The following SMAD1 variants were observed in gnomAD, a reference collection of about 807,000 sequenced individuals.
SMAD1 encodes SMAD family member 1.
In SMAD1, 6 loss-of-function variants were observed where a neutral mutation model predicts 41.6. The observed-to-expected ratio is 0.14, with a 90% confidence interval of 0.08 to 0.28. The LOEUF (loss-of-function observed/expected upper bound fraction) is 0.28. Ranked by LOEUF, SMAD1 falls within the 10% of genes least tolerant of loss-of-function variation. SMAD1 has a pLI of 1.00. For missense variants in SMAD1, 379 were observed against 582.6 expected, an observed-to-expected ratio of 0.65 and a Z score of 3.60; for synonymous variants, 206 against 203.2, an observed-to-expected ratio of 1.01 and a Z score of -0.12.
chr4:145,551,084 T>C (rs1403682720), intron 5 of SMAD1, among the ~76,000 whole-genome samples: 1 of 152,100 alleles, frequency 6.6e-6, no homozygotes, highest in Non-Finnish European at 1.5e-5. Flanking sequence ...CTAGCTAACT[T>C]TGTAAATGGA....
At chr4:145,502,312 A>G (rs563157294) in intron 1 of SMAD1, among the ~76,000 whole-genome samples, 1 of 152,320 alleles carries the variant, frequency 6.6e-6, no homozygotes, top group East Asian at 1.9e-4. Flanking sequence ...TGCCATTACA[A>G]GCATGAATTT....
intron 2 of SMAD1, among the ~76,000 whole-genome samples, chr4:145,533,144 A>G (rs1203090580): frequency 6.6e-6 from 1 of 152,200 alleles, no homozygotes; most frequent in Admixed American, 6.5e-5. Flanking sequence ...GGCTTAACCC[A>G]GCCTGACTAA....
intron 3 of SMAD1, among the ~76,000 whole-genome samples, chr4:145,541,983 G>A (rs1731971899): frequency 1.3e-5 from 2 of 152,352 alleles, no homozygotes; most frequent in South Asian, 4.1e-4. Flanking sequence ...AGATAGCTGT[G>A]ATAAACTGAT....
At position 145,520,723 on chromosome 4, in the gene SMAD1, C is replaced by T. The variant is rs148359753; in HGVS notation, c.400+5710C>T. Among the ~76,000 whole-genome samples the T allele has an allele frequency of 2.5e-4, 38 of 152,226 alleles. No individual in the cohort carries two copies. The East Asian group carries it at 7.1e-3, about 29-fold the overall frequency. On this transcript the variant is annotated intron_variant, in intron 2 of 6. Transcript: ENST00000302085. ...GGGAGAAGTCTATGCTTTTGTTATT[C>T]GGCTCAGTGCAAGTTTTGGAATTGT...
chr4:145,523,888 T>G (rs1271720356), intron 2 of SMAD1, among the ~76,000 whole-genome samples: 1 of 152,092 alleles, frequency 6.6e-6, no homozygotes, highest in African/African-American at 2.4e-5. Flanking sequence ...GGAAGTTCTT[T>G]TTTGGCTTTT....
chr4:145,537,961 C>T (rs764428682), intron 2 of SMAD1, among the ~76,000 whole-genome samples: 2 of 152,192 alleles, frequency 1.3e-5, no homozygotes, highest in East Asian at 1.9e-4. Context: ...GGACTCTGTG[C>T]GTGTGTGTTG....
chr4:145,554,377 A>T (rs1732725038), intron 6 of SMAD1, among the ~76,000 whole-genome samples: 1 of 152,182 alleles, frequency 6.6e-6, no homozygotes, highest in Non-Finnish European at 1.5e-5. Flanking sequence ...TTACGAGATC[A>T]GTTGAGTAAG....
chr4:145,527,688 T>C (rs1356085245), intron 2 of SMAD1, among the ~76,000 whole-genome samples: 1 of 152,080 alleles, frequency 6.6e-6, no homozygotes, highest in African/African-American at 2.4e-5. Context: ...GCTATACTGC[T>C]TCCCAAAAGA....
At chr4:145,526,975 G>C (rs576318484) in intron 2 of SMAD1, among the ~76,000 whole-genome samples, 14 of 152,216 alleles carry the variant, frequency 9.2e-5, no homozygotes, top group South Asian at 2.1e-4. Context: ...TAATGCATGT[G>C]AAAAGGCTTT....
intron 4 of SMAD1, chr4:145,546,413 T>G: frequency 2.6e-6 from 1 of 385,110 alleles, no homozygotes; most frequent in Non-Finnish European, 4.8e-6. Context: ...AATTAGCATA[T>G]TGTTAATATT....
rs1732027435 is a variant in SMAD1 at position 145,542,818 on chromosome 4, A to G, written c.775+120A>G. 7 of 617,564 alleles carry G rather than the reference A, an allele frequency of 1.1e-5. 1 individual carries two copies. The highest frequency in any genetic ancestry group is 5.6e-5 in the East Asian group (2 of 35,700). 38.3% of individuals were successfully genotyped at this position (617,564 alleles called of 1,614,324 possible). On this transcript the variant is annotated intron_variant, in intron 4 of 6. Coordinates refer to ENST00000302085, the MANE Select transcript of SMAD1 (RefSeq NM_005900.3). Reference sequence around the variant, plus strand: ...AGCTACTTGAGAAAAATAGAGTCCAATGTTAAGAGAAGCTCACTACAATTG... The same window carrying G: ...AGCTACTTGAGAAAAATAGAGTCCAGTGTTAAGAGAAGCTCACTACAATTG...
At chr4:145,504,739 C>G (rs1194738560) in intron 1 of SMAD1, among the ~76,000 whole-genome samples, 1 of 152,140 alleles carries the variant, frequency 6.6e-6, no homozygotes, top group Non-Finnish European at 1.5e-5. Flanking sequence ...TGTAAGTTCC[C>G]AGTTCTTCTG....
intron 2 of SMAD1, among the ~76,000 whole-genome samples, chr4:145,535,769 G>C (rs1731577321): frequency 6.6e-6 from 1 of 151,966 alleles, no homozygotes; most frequent in African/African-American, 2.4e-5. Flanking sequence ...TGTTAATGTT[G>C]ATTTAATTTT....
intron 1 of SMAD1, among the ~76,000 whole-genome samples, chr4:145,484,206 G>A (rs1183903129): frequency 6.6e-6 from 1 of 152,198 alleles, no homozygotes; most frequent in Non-Finnish European, 1.5e-5. Context: ...ACATAATCAA[G>A]GCCAAGTGTG....
At chr4:145,545,296 C>T (rs1732184458) in intron 4 of SMAD1, 2 of 152,178 alleles carry the variant, frequency 1.3e-5, no homozygotes, top group African/African-American at 4.8e-5. Context: ...AGAAAAAATT[C>T]ATCAACCTCT....
At chr4:145,486,041 G>A (rs1190627107) in intron 1 of SMAD1, among the ~76,000 whole-genome samples, 3 of 152,044 alleles carry the variant, frequency 2.0e-5, no homozygotes, top group East Asian at 1.9e-4. Flanking sequence ...TTGGTCTTTC[G>A]TTCAGAAGAC....
chr4:145,491,116 T>C (rs1316421132), intron 1 of SMAD1, among the ~76,000 whole-genome samples: 1 of 152,180 alleles, frequency 6.6e-6, no homozygotes, highest in Non-Finnish European at 1.5e-5. Context: ...ATAGCATTTA[T>C]TATGTGACCA....
intron 1 of SMAD1, among the ~76,000 whole-genome samples, chr4:145,500,014 A>G (rs987201473): frequency 9.9e-5 from 15 of 152,160 alleles, no homozygotes; most frequent in African/African-American, 3.4e-4. Flanking sequence ...CCAACCTTAC[A>G]GTTAATTATT....
intron 6 of SMAD1, among the ~76,000 whole-genome samples, chr4:145,556,903 C>G (rs950356929): frequency 6.6e-6 from 1 of 152,120 alleles, no homozygotes; most frequent in African/African-American, 2.4e-5. Flanking sequence ...GTTTCGAACT[C>G]CCGACCTCAG....
Sources: allele counts gnomAD v4.1 joint callset (sites outside exome capture counted in the v4.1 genomes callset), GRCh38; gene constraint gnomAD v4.1.1; transcripts MANE v1.5; gene names NCBI Gene and HGNC (gene_info 2026-07-23, HGNC 2026-07-21).